Variants in DPYD observed in about 807,000 individuals in gnomAD.
DPYD encodes the protein dihydropyrimidine dehydrogenase, also known as dihydropyrimidine dehydrogenase [NADP(+)].
A neutral mutation model predicts 116.2 loss-of-function variants in DPYD; 109 were observed. The observed-to-expected ratio is 0.94, with a 90% CI of 0.80 to 1.10. The LOEUF (loss-of-function observed/expected upper bound fraction) is 1.10, where lower values mean the gene tolerates loss of function less well. DPYD is among the 50% of genes least tolerant of loss of function. The pLI is 0.00. For synonymous variants in DPYD, 440 were observed against 432.0 expected (o/e 1.02, Z -0.23); for missense variants, 1,302 against 1,254.5 (o/e 1.04, Z -0.57).
intron 8 of DPYD, among the ~76,000 whole-genome samples, chr1:97,654,590 T>A (rs1571136768): frequency 1.3e-5 from 2 of 152,296 alleles, no homozygotes; most frequent in Admixed American, 1.3e-4. Flanking sequence ...CAATACATAT[T>A]ATTTGACATA....
chr1:97,592,694 C>A (rs1208705663), intron 10 of DPYD, among the ~76,000 whole-genome samples: 2 of 152,180 alleles, frequency 1.3e-5, no homozygotes, highest in African/African-American at 4.8e-5. Flanking sequence ...TGCTAACTAA[C>A]TACTAATTTT....
chr1:97,314,100 C>T lies in DPYD; in HGVS notation c.2059-7803G>A, dbSNP rs12564608. Among the ~76,000 whole-genome samples, 261 of 152,044 alleles carry T rather than the reference C, an allele frequency of 1.7e-3. 5 individuals are homozygous for T. Among genetic ancestry groups the T allele is most frequent in the East Asian group, 0.012 (63 of 5,130 alleles). ...TTGAAAACAGTCTTTTGATGCTCTC[C>T]ATCAGTGAGCTAAAATACTTGGAGA... On this transcript the variant is annotated intron_variant, in intron 16 of 22. Transcript: ENST00000370192.
rs1304583758 is a variant in DPYD at position 97,343,934 on chromosome 1, T to C, written c.2058+29627A>G. Among the ~76,000 whole-genome samples, 3 of 152,116 alleles carry C rather than the reference T, an allele frequency of 2.0e-5. No homozygotes were observed. In the East Asian group the frequency reaches 5.8e-4, roughly 29 times the overall value. On this transcript the variant is annotated intron_variant, in intron 16 of 22. Transcript: ENST00000370192. ...ATCACTTACTACCTATTTACTCCAA[T>C]GGTAAATGGTAAATAGTTTCATGTG...
intron 2 of DPYD, among the ~76,000 whole-genome samples, chr1:97,833,759 G>C (rs912938434): frequency 1.3e-5 from 2 of 151,962 alleles, no homozygotes; most frequent in African/African-American, 4.8e-5. Context: ...AATCCTAATG[G>C]ATCAGATTTT....
At chr1:97,691,095 A>C (rs1306878539) in intron 7 of DPYD, 3 of 152,290 alleles carry the variant, frequency 2.0e-5, no homozygotes, top group Non-Finnish European at 4.4e-5. Context: ...TGTTCAAGTG[A>C]AGAGCTAGAA....
chr1:97,833,141 T>C (rs1009814088), intron 2 of DPYD, among the ~76,000 whole-genome samples: 1 of 152,100 alleles, frequency 6.6e-6, no homozygotes, highest in African/African-American at 2.4e-5. Context: ...AAAATTTATA[T>C]ACAAACCTAA....
chr1:97,276,676 C>CAAAAAAAAAAAAAAAAAAAAAAAAAAAA (rs36074078), intron 18 of DPYD, among the ~76,000 whole-genome samples: 1 of 116,634 alleles, frequency 8.6e-6, no homozygotes. Flanking sequence ...GACTCTGTCT[C>CAAAAAAAAAAAAAAAAAAAAAAAAAAAA]AAAAAAAAAA....
intron 3 of DPYD, among the ~76,000 whole-genome samples, chr1:97,805,788 G>C (rs139644605): frequency 2.0e-5 from 3 of 151,756 alleles, no homozygotes; most frequent in African/African-American, 7.3e-5. Context: ...CGGCACAGGC[G>C]GAGGGGTGTT....
At chr1:97,179,751 G>A (rs1657524528) in intron 20 of DPYD, among the ~76,000 whole-genome samples, 1 of 152,034 alleles carries the variant, frequency 6.6e-6, no homozygotes, top group African/African-American at 2.4e-5. Context: ...GACACATTTC[G>A]AGGGGTCACC....
At chr1:97,805,262 C>A (rs965262634) in intron 3 of DPYD, among the ~76,000 whole-genome samples, 2 of 151,742 alleles carry the variant, frequency 1.3e-5, no homozygotes, top group African/African-American at 2.4e-5. Context: ...GGGCAGAGAA[C>A]ACAGACTTGA....
intron 13 of DPYD, among the ~76,000 whole-genome samples, chr1:97,501,876 A>G (rs1007436781): frequency 6.6e-6 from 1 of 152,058 alleles, no homozygotes; most frequent in African/African-American, 2.4e-5. Flanking sequence ...CATGATTTTA[A>G]CATTTAAATT....
At chr1:97,222,075 T>G (rs1008034291) in intron 19 of DPYD, among the ~76,000 whole-genome samples, 3 of 152,040 alleles carry the variant, frequency 2.0e-5, no homozygotes, top group African/African-American at 7.2e-5. Context: ...GAAAGTAATA[T>G]GTGAAATAAG....
chr1:97,650,453 C>T (rs1407972146), intron 8 of DPYD, among the ~76,000 whole-genome samples: 2 of 152,274 alleles, frequency 1.3e-5, no homozygotes, highest in South Asian at 2.1e-4. Flanking sequence ...ATACCTAAAC[C>T]TTGCTCCAAT....
At chr1:97,713,010 T>C (rs1662380929) in intron 5 of DPYD, among the ~76,000 whole-genome samples, 1 of 152,118 alleles carries the variant, frequency 6.6e-6, no homozygotes, top group Non-Finnish European at 1.5e-5. Context: ...TTATACCATT[T>C]CTGGCCCAAA....
chr1:97,267,754 C>T (rs970117810), intron 18 of DPYD, among the ~76,000 whole-genome samples: 2 of 152,080 alleles, frequency 1.3e-5, no homozygotes, highest in African/African-American at 4.8e-5. Flanking sequence ...GATTAAGCTT[C>T]CAACAAATGC....
chr1:97,549,253 A>G (rs972686960), intron 12 of DPYD, among the ~76,000 whole-genome samples: 1 of 151,920 alleles, frequency 6.6e-6, no homozygotes, highest in African/African-American at 2.4e-5. Flanking sequence ...TTTTGTAGAG[A>G]TGGGATATTC....
intron 11 of DPYD, among the ~76,000 whole-genome samples, chr1:97,551,372 T>C (rs757942268): frequency 6.6e-6 from 1 of 152,106 alleles, no homozygotes; most frequent in Admixed American, 6.6e-5. Context: ...AGAAAGTCAA[T>C]AGTGAGTATG....
At chr1:97,785,745 T>TGCAGTG (rs1666983593) in intron 3 of DPYD, among the ~76,000 whole-genome samples, 1 of 132,668 alleles carries the variant, frequency 7.5e-6, no homozygotes, top group African/African-American at 2.9e-5. Flanking sequence ...CAGGCTGGAG[T>TGCAGTG]GCAGTGGCAC....
chr1:97,301,998 T>C (rs547713107), intron 18 of DPYD, among the ~76,000 whole-genome samples: 6 of 152,000 alleles, frequency 3.9e-5, no homozygotes, highest in Non-Finnish European at 5.9e-5. Flanking sequence ...GGATGGAGTT[T>C]ATAATTGTTA....
Sources: allele counts gnomAD v4.1 joint callset (sites outside exome capture counted in the v4.1 genomes callset), GRCh38; gene constraint gnomAD v4.1.1; transcripts MANE v1.5; gene names NCBI Gene and HGNC (gene_info 2026-07-23, HGNC 2026-07-21).